Variants in AUTS2 observed in about 807,000 individuals in gnomAD.
AUTS2 encodes the protein autism susceptibility gene 2 protein.
In AUTS2, 17 loss-of-function variants were observed where a neutral mutation model predicts 112.4. The ratio of observed to expected loss-of-function variants is 0.15; its 90% CI spans 0.10 to 0.23. The LOEUF is 0.23. Among genes scored for constraint, AUTS2 ranks in the 10% least tolerant of loss-of-function variants. The probability of loss-of-function intolerance (pLI) is 1.00; values close to 1 mark genes in which losing one functional copy is unlikely to be tolerated. For synonymous variants in AUTS2, 751 were observed against 702.7 expected (o/e 1.07, Z -1.09); for missense variants, 1,510 against 1,701.6 (o/e 0.89, Z 1.98).
intron 2 of AUTS2, among the ~76,000 whole-genome samples, chr7:69,920,396 C>T (rs1795762402): frequency 2.6e-5 from 4 of 151,900 alleles, no homozygotes; most frequent in South Asian, 4.2e-4. Flanking sequence ...AAGCAATCCT[C>T]CCGTTTCAGT....
At chr7:70,264,146 C>A (rs1426989719) in intron 4 of AUTS2, among the ~76,000 whole-genome samples, 2 of 152,106 alleles carry the variant, frequency 1.3e-5, no homozygotes, top group Non-Finnish European at 1.5e-5. Flanking sequence ...ACAATTCTTC[C>A]TAGAGACGTT....
intron 1 of AUTS2, among the ~76,000 whole-genome samples, chr7:69,679,338 C>T (rs1422121865): frequency 6.6e-6 from 1 of 152,222 alleles, no homozygotes; most frequent in African/African-American, 2.4e-5. Flanking sequence ...CCAGGATTTA[C>T]ATTCAGGCTC....
rs1183975367 is a variant in AUTS2 at position 70,762,924 on chromosome 7, C to T, written c.797C>T (p.Pro266Leu). The T allele has an allele frequency of 3.1e-6, 5 of 1,614,090 alleles. No individual in the cohort carries two copies. Among genetic ancestry groups the T allele is most frequent in the South Asian group, 1.1e-5 (1 of 91,076 alleles). ...LPEHDSQDAG[P>L]IVPKISGLER... is the part of the protein sequence containing the mutation. Reference sequence around the variant, plus strand: ...GAACATGACAGCCAGGATGCAGGGCCGATTGTCCCCAAGATATCGGGTCTA... The same window carrying T: ...GAACATGACAGCCAGGATGCAGGGCTGATTGTCCCCAAGATATCGGGTCTA... The change falls in exon 7 of 19, where the codon CCG (proline) becomes CTG (leucine). Residue 266 changes from proline (P) to leucine (L), a missense_variant. Physicochemically the swap from Pro to Leu is moderately conservative, Grantham distance 98. Around this residue, in one of 3 missense-constraint regions of AUTS2, gnomAD observed 535 missense variants for 594.3 expected, o/e 0.90. Transcript: ENST00000342771.
chr7:70,130,660 G>C (rs1806223819), intron 3 of AUTS2, among the ~76,000 whole-genome samples: 1 of 151,522 alleles, frequency 6.6e-6, no homozygotes, highest in African/African-American at 2.4e-5. Context: ...AGTTTGCAGA[G>C]ATTGCTGGAG....
chr7:69,877,398 T>G (rs1793849648), intron 1 of AUTS2, among the ~76,000 whole-genome samples: 1 of 152,222 alleles, frequency 6.6e-6, no homozygotes, highest in Non-Finnish European at 1.5e-5. Context: ...ACTACTGTAC[T>G]AATATATAGA....
chr7:70,191,400 T>C (rs1809883157), intron 4 of AUTS2, among the ~76,000 whole-genome samples: 1 of 152,084 alleles, frequency 6.6e-6, no homozygotes, highest in African/African-American at 2.4e-5. Context: ...CTCGGTCTCC[T>C]GACCTCATGA....
At chr7:70,318,054 C>G (rs1218596962) in intron 4 of AUTS2, among the ~76,000 whole-genome samples, 1 of 152,072 alleles carries the variant, frequency 6.6e-6, no homozygotes, top group East Asian at 1.9e-4. Flanking sequence ...TTCACTGCGG[C>G]GTTTTTAAAG....
intron 5 of AUTS2, among the ~76,000 whole-genome samples, chr7:70,518,894 G>C (rs561344725): frequency 6.6e-6 from 1 of 151,888 alleles, no homozygotes; most frequent in Non-Finnish European, 1.5e-5. Flanking sequence ...AGTAGAGACG[G>C]GGTTTTACCA....
chr7:69,870,448 A>ATATATAT lies in AUTS2; in HGVS notation c.310-28838_310-28837insTATATAT, dbSNP rs1554395050. Among the ~76,000 whole-genome samples the ATATATAT allele has an allele frequency of 1.1e-3, 84 of 78,970 alleles. 2 individuals carry two copies. The highest frequency in any genetic ancestry group is 3.5e-3 in the African/African-American group (80 of 22,648). 51.8% of individuals were successfully genotyped at this position (78,970 alleles called of 152,430 possible). A position where few individuals can be genotyped will look rare whatever the true frequency, so the allele number is the denominator to read the frequency against. On this transcript the variant is annotated intron_variant, in intron 1 of 18. Coordinates refer to ENST00000342771, the MANE Select transcript of AUTS2 (RefSeq NM_015570.4). ...TACATATCTGTGCGTATGTGTGTGTAATATATATATATATATATGTATTCA... is the reference window on the plus strand; with the variant it reads ...TACATATCTGTGCGTATGTGTGTGTATATATATATATATATATATATATATGTATTCA...
At chr7:70,475,985 C>T (rs538061676) in intron 5 of AUTS2, among the ~76,000 whole-genome samples, 2 of 152,236 alleles carry the variant, frequency 1.3e-5, no homozygotes, top group East Asian at 1.9e-4. Context: ...GCCAAGATCA[C>T]ACCACTGCAA....
At chr7:70,507,108 G>C (rs1430072902) in intron 5 of AUTS2, among the ~76,000 whole-genome samples, 1 of 152,212 alleles carries the variant, frequency 6.6e-6, no homozygotes, top group Non-Finnish European at 1.5e-5. Context: ...AATATGGTAA[G>C]AACCTTGAGG....
At chr7:70,640,826 G>T (rs1454068203) in intron 5 of AUTS2, among the ~76,000 whole-genome samples, 1 of 152,168 alleles carries the variant, frequency 6.6e-6, no homozygotes, top group Non-Finnish European at 1.5e-5. Context: ...CACCAGGCAG[G>T]CCCTGAAAGC....
intron 1 of AUTS2, among the ~76,000 whole-genome samples, chr7:69,681,934 C>T (rs1796818773): frequency 6.6e-6 from 1 of 152,156 alleles, no homozygotes; most frequent in Admixed American, 6.6e-5. Context: ...GGGTTCAAAT[C>T]CTCCATTTAC....
chr7:70,312,743 T>C (rs1352286266), intron 4 of AUTS2, among the ~76,000 whole-genome samples: 3 of 152,200 alleles, frequency 2.0e-5, no homozygotes, highest in East Asian at 3.8e-4. Context: ...CAGTACAACT[T>C]TCTGTCACAT....
At chr7:70,125,427 A>G (rs1278214018) in intron 3 of AUTS2, among the ~76,000 whole-genome samples, 1 of 152,122 alleles carries the variant, frequency 6.6e-6, no homozygotes, top group East Asian at 1.9e-4. Flanking sequence ...TTGTGGGAAA[A>G]CAAACTATTC....
chr7:70,658,122 T>C lies in AUTS2; in HGVS notation c.691-40447T>C, dbSNP rs150607588. 9.0e-4 allele frequency among the ~76,000 whole-genome samples: 137 copies of C among 152,366 alleles called. 1 individual carries two copies. Among genetic ancestry groups the C allele is most frequent in the African/African-American group, 2.7e-3 (112 of 41,584 alleles). The stretch of plus-strand genomic sequence containing the variant: ...TTGGACTATAATGAGAGTTTTCCAT[T>C]GGCCTCAACTATCCTGGACAGTTGA... On this transcript the variant is annotated intron_variant, in intron 5 of 18. Coordinates refer to ENST00000342771, the MANE Select transcript of AUTS2 (RefSeq NM_015570.4).
intron 1 of AUTS2, among the ~76,000 whole-genome samples, chr7:69,657,497 A>T (rs1334212649): frequency 6.6e-6 from 1 of 152,198 alleles, no homozygotes; most frequent in Non-Finnish European, 1.5e-5. Flanking sequence ...GTCAGCTACC[A>T]CCTGGGTTGT....
intron 1 of AUTS2, among the ~76,000 whole-genome samples, chr7:69,609,284 C>G (rs1792894576): frequency 6.6e-6 from 1 of 152,044 alleles, no homozygotes; most frequent in Non-Finnish European, 1.5e-5. Flanking sequence ...GGATGAGCAC[C>G]CATGATTGTA....
chr7:70,628,888 C>T (rs1030583429), intron 5 of AUTS2, among the ~76,000 whole-genome samples: 6 of 151,982 alleles, frequency 3.9e-5, no homozygotes, highest in Non-Finnish European at 7.4e-5. Flanking sequence ...GCGGTGTCTT[C>T]CCTTGGCCTG....
Sources: gnomAD v4.1 joint callset for allele counts (sites outside exome capture counted in the v4.1 genomes callset) on GRCh38, gnomAD v4.1.1 for gene constraint, gnomAD v4.1.1 regional missense constraint, MANE v1.5 for transcripts, NCBI Gene and HGNC (gene_info 2026-07-23, HGNC 2026-07-21) for gene names.